DTD1: variants seen among roughly 807,000 people sequenced by gnomAD.
The protein encoded by DTD1 is D-tyrosyl-tRNA deacylase 1 homolog.
DTD1 carries 13 observed loss-of-function variants against 25.6 expected under a neutral mutation model. The ratio of observed to expected loss-of-function variants is 0.51; its 90% CI spans 0.33 to 0.81. The LOEUF (loss-of-function observed/expected upper bound fraction) is 0.81. DTD1 is among the 30% of genes least tolerant of loss of function. The probability of loss-of-function intolerance (pLI) is 0.02; values close to 1 mark genes in which losing one functional copy is unlikely to be tolerated. For missense variants in DTD1, 193 were observed against 266.4 expected (o/e 0.72, Z 1.92); for synonymous variants, 110 against 103.6 (o/e 1.06, Z -0.37).
chr20:18,598,071 A>C lies in DTD1; in HGVS notation c.370+1830A>C, dbSNP rs147137673. On this transcript the variant is annotated intron_variant, in intron 3 of 5. Transcript: ENST00000377452. ...GTGCAGTTTTGTTACATAGGTATAC[A>C]TGTGCCATAGTGGTTTGCTGCATCC... Among the ~76,000 whole-genome samples the C allele has an allele frequency of 7.8e-3, 1,195 of 152,258 alleles. 7 individuals carry two copies. The highest frequency in any genetic ancestry group is 0.014 in the Middle Eastern group (4 of 294).
chr20:18,631,782 T>C, intron 4 of DTD1: 1 of 985,356 alleles, frequency 1.0e-6, no homozygotes, highest in Non-Finnish European at 1.2e-6. Context: ...TTTTTAGTTA[T>C]TATTCTGCTT....
At chr20:18,679,888 C>G (rs1256997460) in intron 4 of DTD1, among the ~76,000 whole-genome samples, 1 of 152,174 alleles carries the variant, frequency 6.6e-6, no homozygotes, top group African/African-American at 2.4e-5. Flanking sequence ...ACAAAAGTCT[C>G]TCTATGGTGG....
intron 4 of DTD1, among the ~76,000 whole-genome samples, chr20:18,661,818 A>G (rs1353621184): frequency 6.6e-6 from 1 of 152,248 alleles, no homozygotes; most frequent in Non-Finnish European, 1.5e-5. Context: ...GAAAAGGCTG[A>G]TAACAGGTAA....
intron 4 of DTD1, among the ~76,000 whole-genome samples, chr20:18,682,549 T>A (rs1338135679): frequency 6.6e-6 from 1 of 151,730 alleles, no homozygotes; most frequent in African/African-American, 2.4e-5. Flanking sequence ...TTGTCTGTTG[T>A]CCTTGGCAGC....
At chr20:18,685,416 A>ACC (rs2061012676) in intron 4 of DTD1, among the ~76,000 whole-genome samples, 2 of 152,176 alleles carry the variant, frequency 1.3e-5, no homozygotes, top group Non-Finnish European at 2.9e-5. Flanking sequence ...GGTGTATGTG[A>ACC]GAGTGCTTTC....
intron 5 of DTD1, among the ~76,000 whole-genome samples, chr20:18,752,998 T>G (rs2061326283): frequency 6.6e-6 from 1 of 152,214 alleles, no homozygotes; most frequent in African/African-American, 2.4e-5. Flanking sequence ...CATTACCTTA[T>G]TGATTAGAAA....
rs769354187 is a variant in DTD1 at position 18,744,154 on chromosome 20, C to A, written c.532C>A (p.Pro178Thr). The A allele has an allele frequency of 3.1e-6, 5 of 1,612,328 alleles. No homozygotes were observed. The highest frequency in any genetic ancestry group is 4.2e-6 in the Non-Finnish European group (5 of 1,180,008). Residue 178 changes from proline (P) to threonine (T), a missense_variant, in exon 5 of 6, where the codon CCT (proline) becomes ACT (threonine). Pro to Thr is a conservative substitution (Grantham distance 38, BLOSUM62 -1). Coordinates refer to ENST00000377452, the MANE Select transcript of DTD1 (RefSeq NM_080820.6). ...QRKEKTRAKG[P>T]SESSKERNTP... ...GAAAGAAAAGACCAGAGCTAAGGGA[C>A]CTTCTGAATCAAGCAAGGAAAGAAA... is the stretch of plus-strand genomic sequence containing the variant.
At chr20:18,660,823 A>G (rs1283932078) in intron 4 of DTD1, among the ~76,000 whole-genome samples, 1 of 152,224 alleles carries the variant, frequency 6.6e-6, no homozygotes, top group Non-Finnish European at 1.5e-5. Context: ...TGAGGTTACT[A>G]TATGTCACAT....
chr20:18,644,563 C>G lies in DTD1; in HGVS notation c.477+16330C>G, dbSNP rs186851842. On this transcript the variant is annotated intron_variant, in intron 4 of 5. Transcript: ENST00000377452. The stretch of plus-strand genomic sequence containing the variant: ...CTTTTCTTTTATGCTTCTTTCATGT[C>G]TTTCTTAATAGAATTTAATAAAATG... 7.5e-4 allele frequency among the ~76,000 whole-genome samples: 114 copies of G among 152,280 alleles called. 1 individual carries two copies. The highest frequency in any genetic ancestry group is 1.9e-4 in the Non-Finnish European group (13 of 68,024).
intron 4 of DTD1, among the ~76,000 whole-genome samples, chr20:18,678,513 T>G (rs2060984607): frequency 6.6e-6 from 1 of 152,214 alleles, no homozygotes; most frequent in South Asian, 2.1e-4. Flanking sequence ...TATAATATTT[T>G]GAAACTCGAT....
At position 18,658,189 on chromosome 20, in the gene DTD1, ATGTGTGTG is replaced by A. The variant is rs60197503; in HGVS notation, c.477+29988_477+29995del. On this transcript the variant is annotated intron_variant, in intron 4 of 5. Coordinates refer to ENST00000377452, the MANE Select transcript of DTD1 (RefSeq NM_080820.6). ...TAGGCAGAGGGCATAAGAGTCTGAG[ATGTGTGTG>A]TGTGTGTGTGTGTGTGTGTGTGTGT... Among the ~76,000 whole-genome samples, 542 of 146,208 alleles carry A rather than the reference ATGTGTGTG, an allele frequency of 3.7e-3. 2 individuals are homozygous for A. The highest frequency in any genetic ancestry group is 0.012 in the African/African-American group (482 of 39,262).
intron 4 of DTD1, among the ~76,000 whole-genome samples, chr20:18,678,109 G>A (rs1018662769): frequency 1.3e-5 from 2 of 152,258 alleles, no homozygotes; most frequent in Non-Finnish European, 2.9e-5. Context: ...GAAACCAAGA[G>A]GTTCACTAAA....
intron 1 of DTD1, among the ~76,000 whole-genome samples, chr20:18,593,334 A>T (rs2060597771): frequency 6.6e-6 from 1 of 152,152 alleles, no homozygotes; most frequent in Non-Finnish European, 1.5e-5. Flanking sequence ...TATTCTGCAA[A>T]AGGCAGGAAT....
intron 4 of DTD1, among the ~76,000 whole-genome samples, chr20:18,634,194 G>A (rs889687483): frequency 1.3e-5 from 2 of 152,184 alleles, no homozygotes; most frequent in Non-Finnish European, 2.9e-5. Flanking sequence ...ACCCTAGCCT[G>A]CCATTTCTGT....
At chr20:18,708,252 T>TTATA (rs1203473690) in intron 4 of DTD1, among the ~76,000 whole-genome samples, 3,316 of 31,718 alleles carry the variant, frequency 0.1, 353 homozygotes, top group African/African-American at 0.22. Flanking sequence ...ATAATATATA[T>TTATA]TATATATATA....
chr20:18,663,027 G>A (rs1289574506), intron 4 of DTD1, among the ~76,000 whole-genome samples: 1 of 152,168 alleles, frequency 6.6e-6, no homozygotes, highest in African/African-American at 2.4e-5. Flanking sequence ...CTCTGGTTAT[G>A]CCCAGTGGTC....
intron 4 of DTD1, among the ~76,000 whole-genome samples, chr20:18,706,680 G>A (rs541391281): frequency 3.4e-4 from 51 of 152,200 alleles, no homozygotes; most frequent in Middle Eastern, 6.8e-3. Context: ...TGAAAAAATA[G>A]CACAGAAAAT....
intron 4 of DTD1, among the ~76,000 whole-genome samples, chr20:18,720,866 T>A (rs1373659704): frequency 1.3e-5 from 2 of 149,274 alleles, no homozygotes; most frequent in Non-Finnish European, 3.0e-5. Flanking sequence ...TCAAAAAAAA[T>A]TTTTTTTTGT....
intron 3 of DTD1, among the ~76,000 whole-genome samples, chr20:18,613,378 A>T (rs113902388): frequency 3.5e-4 from 54 of 152,298 alleles, no homozygotes; most frequent in African/African-American, 1.3e-3. Flanking sequence ...GCTCTGCGAA[A>T]CTGTTGCTAA....
Sources: allele counts gnomAD v4.1 joint callset (sites outside exome capture counted in the v4.1 genomes callset), GRCh38; gene constraint gnomAD v4.1.1; transcripts MANE v1.5; gene names NCBI Gene and HGNC (gene_info 2026-07-23, HGNC 2026-07-21).